Variants in FZD8 observed in about 807,000 individuals in gnomAD.
FZD8 encodes frizzled-8.
FZD8 carries 18 observed loss-of-function variants against 46.0 expected under a neutral mutation model. The observed-to-expected ratio is 0.39, with a 90% CI of 0.27 to 0.58. The LOEUF (loss-of-function observed/expected upper bound fraction) is 0.58, where lower values mean the gene tolerates loss of function less well. FZD8 is among the 20% of genes least tolerant of loss of function. FZD8 has a pLI of 0.55. For synonymous variants in FZD8, 586 were observed against 467.9 expected (o/e 1.25, Z -3.26); for missense variants, 785 against 983.4 (o/e 0.80, Z 2.70).
Position 35,640,348 on chromosome 10 carries a change from CCCGCGCCCGCCG to C in FZD8, c.1070_1081del (p.Ala357_Ala360del). On this transcript the variant is annotated inframe_deletion, in exon 1 of 1. Coordinates refer to ENST00000374694, the MANE Select transcript of FZD8 (RefSeq NM_031866.3). The stretch of plus-strand genomic sequence containing the variant: ...GCCGCCCGCGCCCGCGCCCGCCGCG[CCCGCGCCCGCCG>C]CCGCGCCGCCCGCGCCCCCAGCGCC... 1.0e-6 allele frequency: 1 copy of C among 962,542 alleles called. No homozygotes were observed. Among genetic ancestry groups the C allele is most frequent in the Non-Finnish European group, 1.2e-6 (1 of 812,352 alleles). The allele number at this position is 962,542 out of a possible 1,614,324, so 59.6% of individuals were successfully genotyped here.
Position 35,641,632 on chromosome 10 carries a change from C to T in FZD8, c.-203G>A, listed in dbSNP as rs371313095. 795 of 635,210 alleles carry T rather than the reference C, an allele frequency of 1.3e-3. 5 individuals are homozygous for T. The African/African-American group carries it at 0.014, about 11-fold the overall frequency. The allele number at this position is 635,210 out of a possible 1,614,324, so 39.3% of individuals were successfully genotyped here. On this transcript the variant is annotated 5_prime_UTR_variant, in exon 1 of 1. Transcript: ENST00000374694. This position sits in a 1 kb window ranked among gnomAD's most constrained non-coding sequence, Gnocchi z 6.3. ...GGCGCGGCCCGCAGCCTGGGCAGGG[C>T]CCTTCCGCACTCCTTTCCGCCGCTC...
Position 35,641,494 on chromosome 10 carries a change from GCC to G in FZD8, c.-67_-66del, listed in dbSNP as rs1014135361. 1.9e-5 allele frequency: 29 copies of G among 1,506,078 alleles called. No homozygotes were observed. The African/African-American group carries it at 4.0e-4, about 21-fold the overall frequency. 93.3% of individuals were successfully genotyped at this position (1,506,078 alleles called of 1,614,324 possible). A position where few individuals can be genotyped will look rare whatever the true frequency, so the allele number is the denominator to read the frequency against. ...CGCGCAGAGGGGTGCCGGGGGGGGG[GCC>G]CACGAGAGAGCCGCAGACGGGTACA... is the stretch of plus-strand genomic sequence containing the variant. On this transcript the variant is annotated 5_prime_UTR_variant, in exon 1 of 1. Coordinates refer to ENST00000374694, the MANE Select transcript of FZD8 (RefSeq NM_031866.3). This position sits in a 1 kb window ranked among gnomAD's most constrained non-coding sequence, Gnocchi z 6.3.
Position 35,639,422 on chromosome 10 carries a change from T to A in FZD8, c.2008A>T (p.Ser670Cys), listed in dbSNP as rs901679379. 34 of 1,351,120 alleles carry A rather than the reference T, an allele frequency of 2.5e-5. No individual in the cohort carries two copies. Among genetic ancestry groups the A allele is most frequent in the African/African-American group, 3.0e-5 (2 of 66,334 alleles). 83.7% of individuals were successfully genotyped at this position (1,351,120 alleles called of 1,614,324 possible). A position where few individuals can be genotyped will look rare whatever the true frequency, so the allele number is the denominator to read the frequency against. ...CCCGACCGCCACGTCAGGCCAGTGC[T>A]GACGTCGCTGTAGAGGGAGCCCCCG... ...GGGGSLYSDV[S>C]TGLTWRSGTA... The change falls in exon 1 of 1, where the codon AGC (serine) becomes TGC (cysteine). Residue 670 changes from serine to cysteine, a missense_variant. Physicochemically the swap from Ser to Cys is moderately radical, Grantham distance 112 (BLOSUM62 -1). Coordinates refer to ENST00000374694, the MANE Select transcript of FZD8 (RefSeq NM_031866.3).
At position 35,638,437 on chromosome 10, in the gene FZD8, C is replaced by T. The variant is rs1441744307; in HGVS notation, c.*908G>A. 1.3e-5 allele frequency: 2 copies of T among 152,676 alleles called. No individual in the cohort carries two copies. Among genetic ancestry groups the T allele is most frequent in the Non-Finnish European group, 2.9e-5 (2 of 68,028 alleles). 9.5% of individuals were successfully genotyped at this position (152,676 alleles called of 1,614,324 possible). ...AAACTCAATTTTGATTTCAGTTCAA[C>T]AATGATATTTACTTGGCTAACAACT... On this transcript the variant is annotated 3_prime_UTR_variant, in exon 1 of 1. Coordinates refer to ENST00000374694, the MANE Select transcript of FZD8 (RefSeq NM_031866.3).
In FZD8 at chr10:35,638,599, A is replaced by C. The variant is rs1835799220; in HGVS notation, c.*746T>G. On this transcript the variant is annotated 3_prime_UTR_variant, in exon 1 of 1. Transcript: ENST00000374694. Reference sequence around the variant, plus strand: ...TGACAGCTCAGAAGAGGCGGGGGAGAGGGCAATGGTTAAATCATTTATCAA... The same window carrying C: ...TGACAGCTCAGAAGAGGCGGGGGAGCGGGCAATGGTTAAATCATTTATCAA... 6.6e-6 allele frequency: 1 copy of C among 152,474 alleles called. No homozygotes were observed. The highest frequency in any genetic ancestry group is 6.5e-5 in the Admixed American group (1 of 15,280). 9.4% of individuals were successfully genotyped at this position (152,474 alleles called of 1,614,324 possible).
Position 35,641,660 on chromosome 10 carries a change from G to A in FZD8, c.-231C>T, listed in dbSNP as rs1835865908. The A allele has an allele frequency of 9.5e-6, 5 of 527,566 alleles. No homozygotes were observed. The highest frequency in any genetic ancestry group is 3.5e-5 in the Admixed American group (1 of 28,580). 32.7% of individuals were successfully genotyped at this position (527,566 alleles called of 1,614,324 possible). Reference sequence around the variant, plus strand: ...TTCCGCACTCCTTTCCGCCGCTCCGGGGGTTTGAAGGCGGCTGCAGGCGCG... The same window carrying A: ...TTCCGCACTCCTTTCCGCCGCTCCGAGGGTTTGAAGGCGGCTGCAGGCGCG... On this transcript the variant is annotated 5_prime_UTR_variant, in exon 1 of 1. Transcript: ENST00000374694. This position sits in a 1 kb window ranked among gnomAD's most constrained non-coding sequence, Gnocchi z 6.3.
At position 35,641,667 on chromosome 10, in the gene FZD8, G is replaced by A; in HGVS notation, c.-238C>T. 2.0e-6 allele frequency: 1 copy of A among 510,970 alleles called. No individual in the cohort carries two copies. Among genetic ancestry groups the A allele is most frequent in the East Asian group, 3.4e-5 (1 of 29,424 alleles). The allele number at this position is 510,970 out of a possible 1,614,324, so 31.7% of individuals were successfully genotyped here. ...CTCCTTTCCGCCGCTCCGGGGGTTTGAAGGCGGCTGCAGGCGCGCGCCACA... is the reference window on the plus strand; with the variant it reads ...CTCCTTTCCGCCGCTCCGGGGGTTTAAAGGCGGCTGCAGGCGCGCGCCACA... On this transcript the variant is annotated 5_prime_UTR_variant, in exon 1 of 1. Transcript: ENST00000374694. The surrounding 1 kb of genome is among the most constrained non-coding windows in gnomAD (Gnocchi z 6.3).
In FZD8 at chr10:35,638,693, C is replaced by CA. The variant is rs1446924600; in HGVS notation, c.*651dup. On this transcript the variant is annotated 3_prime_UTR_variant, in exon 1 of 1. Transcript: ENST00000374694. ...CAGGGGTAAGCCTCTAAACTTTTTA[C>CA]AAAAAAATGTACACACTATATCTTT... The CA allele has an allele frequency of 3.3e-5, 5 of 150,802 alleles. No individual in the cohort carries two copies. In the East Asian group the frequency reaches 7.6e-4, roughly 23 times the overall value. 9.3% of individuals were successfully genotyped at this position (150,802 alleles called of 1,614,324 possible).
Position 35,638,332 on chromosome 10 carries a change from A to AC in FZD8, c.*1012dup, listed in dbSNP as rs1835795032. On this transcript the variant is annotated 3_prime_UTR_variant, in exon 1 of 1. Coordinates refer to ENST00000374694, the MANE Select transcript of FZD8 (RefSeq NM_031866.3). Reference sequence around the variant, plus strand: ...TTACTGCCTTGCAGAAGTTCCATTTACATCCACTAAAGTGAGAGTTGTTAT... The same window carrying AC: ...TTACTGCCTTGCAGAAGTTCCATTTACCATCCACTAAAGTGAGAGTTGTTAT... The AC allele has an allele frequency of 6.6e-6, 1 of 152,628 alleles. No homozygotes were observed. Among genetic ancestry groups the AC allele is most frequent in the African/African-American group, 2.4e-5 (1 of 41,594 alleles). The allele number at this position is 152,628 out of a possible 1,614,324, so 9.5% of individuals were successfully genotyped here. A position where few individuals can be genotyped will look rare whatever the true frequency, so the allele number is the denominator to read the frequency against.
rs1445636822 is a variant in FZD8 at position 35,641,741 on chromosome 10, C to T, written c.-312G>A. 4.1e-6 allele frequency: 1 copy of T among 242,504 alleles called. No individual in the cohort carries two copies. The highest frequency in any genetic ancestry group is 7.8e-6 in the Non-Finnish European group (1 of 128,052). The allele number at this position is 242,504 out of a possible 1,614,324, so 15.0% of individuals were successfully genotyped here. ...CCCGGGTCGCGCTCAGCCCTCGCGG[C>T]GCAGAGCGGCCGGGCCTCGGCTCAT... On this transcript the variant is annotated 5_prime_UTR_variant, in exon 1 of 1. Transcript: ENST00000374694. The surrounding 1 kb of genome is among the most constrained non-coding windows in gnomAD (Gnocchi z 6.3).
In FZD8 at chr10:35,640,746, G is replaced by C. The variant is rs2135501127; in HGVS notation, c.684C>G (p.Cys228Trp). 7 of 1,342,970 alleles carry C rather than the reference G, an allele frequency of 5.2e-6. No individual in the cohort carries two copies. The highest frequency in any genetic ancestry group is 1.5e-5 in the African/African-American group (1 of 67,518). The allele number at this position is 1,342,970 out of a possible 1,614,324, so 83.2% of individuals were successfully genotyped here. The change falls in exon 1 of 1, where the codon TGC (cysteine) becomes TGG (tryptophan). Residue 228 changes from cysteine to tryptophan, a missense_variant. By Grantham distance (215) the Cys-to-Trp change is radical. Coordinates refer to ENST00000374694, the MANE Select transcript of FZD8 (RefSeq NM_031866.3). ...ARPPGGGAAP[C>W]EPGCQCRAPM... ...GCGCGCGGCACTGGCACCCGGGCTC[G>C]CAGGGAGCCGCGCCGCCGCCAGGGG...
At position 35,640,804 on chromosome 10, in the gene FZD8, G is replaced by A. The variant is rs1250908157; in HGVS notation, c.626C>T (p.Ala209Val). 2 of 1,021,638 alleles carry A rather than the reference G, an allele frequency of 2.0e-6. No individual in the cohort carries two copies. The allele number at this position is 1,021,638 out of a possible 1,614,324, so 63.3% of individuals were successfully genotyped here. A position where few individuals can be genotyped will look rare whatever the true frequency, so the allele number is the denominator to read the frequency against. Residue 209 changes from alanine (A) to valine (V), a missense_variant, in exon 1 of 1, where the codon GCT becomes GTT. Physicochemically the swap from Ala to Val is moderately conservative, Grantham distance 64. Coordinates refer to ENST00000374694, the MANE Select transcript of FZD8 (RefSeq NM_031866.3). ...CTTCCCGCCACCGCCGCCGCCGCGA[G>A]CTGGGGGCGCCGCCGCGTCCCCGCC... The part of the protein sequence containing the change: ...GGGGDAAAPP[A>V]RGGGGGGKAR...
chr10:35,639,459 C>A lies in FZD8; in HGVS notation c.1971G>T (p.Gly657=). ...GGGGGPGGGG[G]PGGGGGSLYS... The stretch of plus-strand genomic sequence containing the variant: ...AGAGGGAGCCCCCGCCGCCGCCCGG[C>A]CCCCCGCCGCCGCCGGGTCCCCCGC... Residue 657 remains glycine, a synonymous_variant, in exon 1 of 1, where the codon GGG becomes GGT. Coordinates refer to ENST00000374694, the MANE Select transcript of FZD8 (RefSeq NM_031866.3). The A allele has an allele frequency of 1.9e-6, 2 of 1,064,044 alleles. No individual in the cohort carries two copies. The highest frequency in any genetic ancestry group is 2.3e-6 in the Non-Finnish European group (2 of 873,610). The allele number at this position is 1,064,044 out of a possible 1,614,324, so 65.9% of individuals were successfully genotyped here. A position where few individuals can be genotyped will look rare whatever the true frequency, so the allele number is the denominator to read the frequency against.
In FZD8 at chr10:35,641,735, T is replaced by C. The variant is rs1835868399; in HGVS notation, c.-306A>G. On this transcript the variant is annotated 5_prime_UTR_variant, in exon 1 of 1. Transcript: ENST00000374694. The surrounding 1 kb of genome is among the most constrained non-coding windows in gnomAD (Gnocchi z 6.3). ...GCTGGCCCCGGGTCGCGCTCAGCCC[T>C]CGCGGCGCAGAGCGGCCGGGCCTCG... is the stretch of plus-strand genomic sequence containing the variant. 3.9e-6 allele frequency: 1 copy of C among 254,478 alleles called. No homozygotes were observed. Among genetic ancestry groups the C allele is most frequent in the South Asian group, 1.1e-4 (1 of 9,072 alleles). 15.8% of individuals were successfully genotyped at this position (254,478 alleles called of 1,614,324 possible).
Position 35,641,361 on chromosome 10 carries a change from G to C in FZD8, c.69C>G (p.Ser23Arg). ...LAALALLQRS[S>R]GAAAASAKEL... ...CCTTGGCCGAGGCGGCCGCAGCGCC[G>C]CTAGAGCGCTGCAGCAGCGCCAAGG... The change falls in exon 1 of 1, where the codon AGC (serine) becomes AGG (arginine). Residue 23 changes from serine to arginine, a missense_variant. Physicochemically the swap from Ser to Arg is moderately radical, Grantham distance 110. This residue lies in a region of FZD8 where 354 missense variants were observed against 433.2 expected (regional missense o/e 0.82). Coordinates refer to ENST00000374694, the MANE Select transcript of FZD8 (RefSeq NM_031866.3). The surrounding 1 kb of genome is among the most constrained non-coding windows in gnomAD (Gnocchi z 6.3). 2 of 1,613,384 alleles carry C rather than the reference G, an allele frequency of 1.2e-6. No individual in the cohort carries two copies. The highest frequency in any genetic ancestry group is 8.5e-7 in the Non-Finnish European group (1 of 1,179,816).
In FZD8 at chr10:35,641,483, C is replaced by CGGG. The variant is rs1564478158; in HGVS notation, c.-55_-54insCCC. 7.4e-7 allele frequency: 1 copy of CGGG among 1,359,482 alleles called. No individual in the cohort carries two copies. Among genetic ancestry groups the CGGG allele is most frequent in the African/African-American group, 2.3e-5 (1 of 43,172 alleles). The allele number at this position is 1,359,482 out of a possible 1,614,324, so 84.2% of individuals were successfully genotyped here. On this transcript the variant is annotated 5_prime_UTR_variant, in exon 1 of 1. Coordinates refer to ENST00000374694, the MANE Select transcript of FZD8 (RefSeq NM_031866.3). This position sits in a 1 kb window ranked among gnomAD's most constrained non-coding sequence, Gnocchi z 6.3. Reference sequence around the variant, plus strand: ...CCTCCAGGCGGCGCGCAGAGGGGTGCCGGGGGGGGGGCCCACGAGAGAGCC... The same window carrying CGGG: ...CCTCCAGGCGGCGCGCAGAGGGGTGCGGGCGGGGGGGGGGCCCACGAGAGAGCC...
Position 35,641,035 on chromosome 10 carries a change from C to A in FZD8, c.395G>T (p.Arg132Leu). Residue 132 changes from arginine (R) to leucine (L), a missense_variant, in exon 1 of 1, where the codon CGC (arginine) becomes CTC (leucine). Arg to Leu is a moderately radical substitution (Grantham distance 102, BLOSUM62 -2). This residue lies in a region of FZD8 where 354 missense variants were observed against 433.2 expected (regional missense o/e 0.82). Coordinates refer to ENST00000374694, the MANE Select transcript of FZD8 (RefSeq NM_031866.3). This position sits in a 1 kb window ranked among gnomAD's most constrained non-coding sequence, Gnocchi z 6.3. ...CTCGGGCAGCCGGTCGCAGCGCATG[C>A]GGTCGGGCCAGGCGAAGCCGTACTG... ...MRQYGFAWPDRMRCDRLPEQG... is the reference protein window; with the variant it reads ...MRQYGFAWPDLMRCDRLPEQG... 6.2e-7 allele frequency: 1 copy of A among 1,608,282 alleles called. No homozygotes were observed. Among genetic ancestry groups the A allele is most frequent in the Non-Finnish European group, 8.5e-7 (1 of 1,178,266 alleles).
Position 35,638,466 on chromosome 10 carries a change from G to C in FZD8, c.*879C>G, listed in dbSNP as rs1835797251. The C allele has an allele frequency of 6.5e-6, 1 of 152,702 alleles. No homozygotes were observed. The highest frequency in any genetic ancestry group is 1.5e-5 in the Non-Finnish European group (1 of 68,040). 9.5% of individuals were successfully genotyped at this position (152,702 alleles called of 1,614,324 possible). The stretch of plus-strand genomic sequence containing the variant: ...GATATTTACTTGGCTAACAACTTAA[G>C]AACTAGAGTTTAACAAGTAATTTTC... On this transcript the variant is annotated 3_prime_UTR_variant, in exon 1 of 1. Transcript: ENST00000374694.
Position 35,640,305 on chromosome 10 carries a change from C to G in FZD8, c.1125G>C (p.Glu375Asp). The G allele has an allele frequency of 7.0e-7, 1 of 1,437,164 alleles. No homozygotes were observed. Among genetic ancestry groups the G allele is most frequent in the Non-Finnish European group, 9.2e-7 (1 of 1,087,148 alleles). 89.0% of individuals were successfully genotyped at this position (1,437,164 alleles called of 1,614,324 possible). A position where few individuals can be genotyped will look rare whatever the true frequency, so the allele number is the denominator to read the frequency against. The change falls in exon 1 of 1, where the codon GAG becomes GAC. Residue 375 changes from glutamate to aspartate, a missense_variant. This residue lies in a region of FZD8 where 88 missense variants were observed against 83.6 expected (regional missense o/e 1.05). Transcript: ENST00000374694. ...GCTCCACCGCGCCCAGCTCCTCGTA[C>G]TCGCCGCGCCCGCCCGGGCCGCCCG... ...AGAGGPGGRG[E>D]YEELGAVEQH...
Sources: gnomAD v4.1 joint callset for allele counts on GRCh38, gnomAD v4.1.1 for gene constraint, gnomAD v4.1.1 regional missense constraint, Gnocchi (gnomAD v3.1) non-coding constraint, MANE v1.5 for transcripts, NCBI Gene and HGNC (gene_info 2026-07-23, HGNC 2026-07-21) for gene names.